RFPL1: variants seen among roughly 807,000 people sequenced by gnomAD.
RFPL1 encodes the protein ret finger protein like 1.
A neutral mutation model predicts 9.6 loss-of-function variants in RFPL1; 6 were observed. That is an observed-to-expected ratio of 0.62 (90% CI 0.34 to 1.23). The LOEUF is 1.23. Ranked by LOEUF, RFPL1 falls within the 50% of genes most tolerant of loss-of-function variation. The probability of loss-of-function intolerance (pLI) is 0.03; values close to 1 mark genes in which losing one functional copy is unlikely to be tolerated. For synonymous variants in RFPL1, 145 were observed against 149.4 expected (o/e 0.97, Z 0.22); for missense variants, 352 against 398.4 (o/e 0.88, Z 0.99).
the RFPL1 span, among the ~76,000 whole-genome samples, chr22:29,392,378 C>CTTTT: frequency 0.018 from 825 of 46,286 alleles, 159 homozygotes; most frequent in Non-Finnish European, 0.024. Flanking sequence ...CCACACCTGG[C>CTTTT]TTTTTTTTTT....
the RFPL1 span, among the ~76,000 whole-genome samples, chr22:29,402,339 G>C: frequency 2.0e-5 from 3 of 152,182 alleles, no homozygotes; most frequent in African/African-American, 7.2e-5. Context: ...GAGGACAGTG[G>C]TTCTCAATTT....
exon 1 of RFPL1, chr22:29,438,915 G>A (rs750966646): frequency 7.4e-6 from 12 of 1,613,970 alleles, no homozygotes; most frequent in South Asian, 1.1e-5. Context: ...CAGCTGTCCC[G>A]TCTGCTCAGA....
intron 1 of RFPL1, 81 bp downstream of exon 1, chr22:29,439,245 T>C: frequency 6.6e-7 from 1 of 1,522,424 alleles, no homozygotes. Context: ...TCATTCCATA[T>C]GGGGATTAGC....
At chr22:29,399,297 C>A in the RFPL1 span, among the ~76,000 whole-genome samples, 1 of 151,306 alleles carries the variant, frequency 6.6e-6, no homozygotes, top group African/African-American at 2.4e-5. Flanking sequence ...ATTTTCATGA[C>A]AATGCTTCCC....
the RFPL1 span, among the ~76,000 whole-genome samples, chr22:29,396,897 CTTTTTTTTTTTTTTTTT>C: frequency 1.4e-5 from 1 of 72,578 alleles, no homozygotes; most frequent in Non-Finnish European, 2.4e-5. Flanking sequence ...CCTGAAACTT[CTTTTTTTTTTTTTTTTT>C]TTTTTTTTTT....
At chr22:29,399,130 C>T in the RFPL1 span, among the ~76,000 whole-genome samples, 7 of 152,152 alleles carry the variant, frequency 4.6e-5, no homozygotes, top group Non-Finnish European at 8.8e-5. Context: ...TTTCAGCTTC[C>T]TTCATAGAAT....
At chr22:29,395,442 G>A in the RFPL1 span, among the ~76,000 whole-genome samples, 3 of 142,824 alleles carry the variant, frequency 2.1e-5, no homozygotes, top group Admixed American at 6.9e-5. Context: ...CATCCCTCCC[G>A]CCCAGCCCAG....
At chr22:29,420,463 A>T in the RFPL1 span, among the ~76,000 whole-genome samples, 20 of 150,138 alleles carry the variant, frequency 1.3e-4, no homozygotes, top group East Asian at 4.0e-4. Flanking sequence ...ACCGGGTAGC[A>T]GGGACTACAG....
chr22:29,442,151 G>T, exon 2 of RFPL1: 2 of 1,491,168 alleles, frequency 1.3e-6, no homozygotes, highest in Non-Finnish European at 9.0e-7. Context: ...CAAAAAACAG[G>T]TTAAGAAAAT....
the RFPL1 span, among the ~76,000 whole-genome samples, chr22:29,424,835 C>CT: frequency 1.3e-5 from 1 of 77,976 alleles, no homozygotes; most frequent in African/African-American, 4.5e-5. Context: ...TCCCTCCCAC[C>CT]CCCCCCCCCG....
the RFPL1 span, among the ~76,000 whole-genome samples, chr22:29,389,020 G>A: frequency 6.6e-6 from 1 of 152,290 alleles, no homozygotes; most frequent in East Asian, 1.9e-4. Flanking sequence ...GGGACCACAG[G>A]TGCGCAGCAC....
At chr22:29,439,164 G>C (rs375557452) in exon 1 of RFPL1, 1 of 1,613,648 alleles carries the variant, frequency 6.2e-7, no homozygotes, top group South Asian at 1.1e-5. Flanking sequence ...GAAGTTCCAA[G>C]GTGAGGGATC....
upstream of RFPL1, among the ~76,000 whole-genome samples, chr22:29,434,016 C>CAG (rs2062796931): frequency 6.6e-6 from 1 of 152,046 alleles, no homozygotes; most frequent in African/African-American, 2.4e-5. Context: ...CACACACACA[C>CAG]ACACATACAC....
At chr22:29,425,932 TATG>T in the RFPL1 span, among the ~76,000 whole-genome samples, 1 of 151,798 alleles carries the variant, frequency 6.6e-6, no homozygotes, top group African/African-American at 2.4e-5. Context: ...TTAGGTTTGT[TATG>T]ATGTATTTTT....
chr22:29,409,144 G>A, the RFPL1 span, among the ~76,000 whole-genome samples: 6 of 151,980 alleles, frequency 3.9e-5, no homozygotes, highest in Admixed American at 1.3e-4. Flanking sequence ...GTGATTCAGC[G>A]TTTTTACTAT....
chr22:29,416,226 G>T, the RFPL1 span, among the ~76,000 whole-genome samples: 1 of 152,218 alleles, frequency 6.6e-6, no homozygotes, highest in African/African-American at 2.4e-5. Context: ...CAGACATCCT[G>T]TCATTGCATG....
chr22:29,398,134 C>T, the RFPL1 span, among the ~76,000 whole-genome samples: 159 of 152,314 alleles, frequency 1.0e-3, no homozygotes, highest in Middle Eastern at 3.4e-3. Flanking sequence ...GAGACCACCA[C>T]TGGGGCTGCA....
exon 2 of RFPL1, chr22:29,441,643 C>T: frequency 6.2e-7 from 1 of 1,613,962 alleles, no homozygotes; most frequent in South Asian, 1.1e-5. Flanking sequence ...TCGGCAAGAC[C>T]TTGCCGAGAG....
At chr22:29,422,518 A>G in the RFPL1 span, among the ~76,000 whole-genome samples, 1 of 152,342 alleles carries the variant, frequency 6.6e-6, no homozygotes, top group Middle Eastern at 3.4e-3. Context: ...CAGAGGTTGC[A>G]GTGAGCCAAT....
Sources: allele counts gnomAD v4.1 joint callset (sites outside exome capture counted in the v4.1 genomes callset), GRCh38; gene constraint gnomAD v4.1.1; transcripts MANE v1.5; gene names NCBI Gene and HGNC (gene_info 2026-07-23, HGNC 2026-07-21).